ZNF667: variants seen among roughly 807,000 people sequenced by gnomAD.
ZNF667 encodes the protein myocardial ischemic preconditioning upregulated 1 ortholog.
In ZNF667, 13 loss-of-function variants were observed where a neutral mutation model predicts 31.8. The ratio of observed to expected loss-of-function variants is 0.41; its 90% CI spans 0.27 to 0.65. ZNF667 has a LOEUF of 0.65. Among genes scored for constraint, ZNF667 ranks in the 30% least tolerant of loss-of-function variants. The pLI is 0.32. For missense variants in ZNF667, 642 were observed against 725.6 expected (o/e 0.88, Z 1.32); for synonymous variants, 228 against 247.1 (o/e 0.92, Z 0.73).
At chr19:56,476,498 C>T (rs952931565) in intron 1 of ZNF667, among the ~76,000 whole-genome samples, 1 of 152,184 alleles carries the variant, frequency 6.6e-6, no homozygotes, top group Non-Finnish European at 1.5e-5. Context: ...TAACCAACAC[C>T]TAAACACGGT....
In ZNF667 at chr19:56,462,357, C is replaced by T. The variant is rs1266123084; in HGVS notation, c.14G>A (p.Arg5Gln). 19 of 1,614,202 alleles carry T rather than the reference C, an allele frequency of 1.2e-5. No homozygotes were observed. The highest frequency in any genetic ancestry group is 1.4e-5 in the Non-Finnish European group (17 of 1,180,042). ...ACTTACCTTGGATTTGGATTTCCCC[C>T]GTGCAGAAGGCATCCTTTCCTCCCC... MPSARGKSKSKAPIT... is the reference protein window; with the variant it reads MPSAQGKSKSKAPIT... Residue 5 changes from arginine (R) to glutamine (Q), a missense_variant, in exon 4 of 7, where the codon CGG becomes CAG. Transcript: ENST00000504904.
rs1212968912 is a variant in ZNF667, at chr19:56,442,229, T to G, written c.766A>C (p.Arg256=). 2 of 1,614,192 alleles carry G rather than the reference T, an allele frequency of 1.2e-6. No homozygotes were observed. The highest frequency in any genetic ancestry group is 1.1e-5 in the South Asian group (1 of 91,084). ...IHVVGNVCQC[R]KCGKAFNQMS... ...TGATTGAAGGCTTTTCCGCACTTTC[T>G]GCACTGGCAGACATTCCCAACAACA... Residue 256 remains arginine, a synonymous_variant, in exon 7 of 7, where the codon AGA becomes CGA. Coordinates refer to ENST00000504904, the MANE Select transcript of ZNF667 (RefSeq NM_001321356.2).
chr19:56,454,511 C>T (rs993304244), intron 6 of ZNF667, among the ~76,000 whole-genome samples: 1 of 151,522 alleles, frequency 6.6e-6, no homozygotes, highest in Non-Finnish European at 1.5e-5. Flanking sequence ...AATAGAGAAC[C>T]CAGAAATAAA....
chr19:56,471,295 T>C (rs1331783637), intron 3 of ZNF667, among the ~76,000 whole-genome samples: 1 of 152,154 alleles, frequency 6.6e-6, no homozygotes, highest in African/African-American at 2.4e-5. Flanking sequence ...GTGGGCCAAT[T>C]AAACTTTTCT....
At chr19:56,455,091 G>A (rs1323338222) in intron 6 of ZNF667, among the ~76,000 whole-genome samples, 1 of 152,114 alleles carries the variant, frequency 6.6e-6, no homozygotes, top group Non-Finnish European at 1.5e-5. Flanking sequence ...CAACATCACT[G>A]ATCATCAGAA....
chr19:56,471,157 A>AC (rs898612900), intron 3 of ZNF667, among the ~76,000 whole-genome samples: 24 of 148,914 alleles, frequency 1.6e-4, no homozygotes, highest in African/African-American at 5.5e-4. Context: ...GTGTAGCCCC[A>AC]CCCCCCCTGC....
intron 6 of ZNF667, among the ~76,000 whole-genome samples, chr19:56,451,543 A>G (rs1487397434): frequency 6.6e-6 from 1 of 152,190 alleles, no homozygotes; most frequent in Non-Finnish European, 1.5e-5. Context: ...GGTATAGACC[A>G]TGAAATATTA....
rs761759424 is a variant in ZNF667, at chr19:56,441,876, A to G, written c.1119T>C (p.Leu373=). ...CDKFFRRLST[L]ILHLRIHNGE... ...CATTATGAATTCTTAGATGCAGAAT[A>G]AGGGTTGAAAGCCGCCTGAAGAACT... Residue 373 remains leucine, a synonymous_variant, in exon 7 of 7, where the codon CTT becomes CTC. Coordinates refer to ENST00000504904, the MANE Select transcript of ZNF667 (RefSeq NM_001321356.2). The surrounding 1 kb of genome is among the most constrained non-coding windows in gnomAD (Gnocchi z 4.2). The G allele has an allele frequency of 2.3e-5, 37 of 1,614,056 alleles. No homozygotes were observed. The East Asian group carries it at 8.2e-4, about 36-fold the overall frequency.
rs748102851 is a variant in ZNF667, at chr19:56,458,236, G to A, written c.172C>T (p.Arg58Trp). 24 of 1,613,812 alleles carry A rather than the reference G, an allele frequency of 1.5e-5. No homozygotes were observed. Among genetic ancestry groups the A allele is most frequent in the East Asian group, 4.5e-5 (2 of 44,882 alleles). ...AATAAGGTGATCACATTTGGTCTCC[G>A]AAAGGAAAGACCTGTACGTGGGACA... ...RNLVSLGLSF[R>W]RPNVITLLEK... Residue 58 changes from arginine to tryptophan, a missense_variant, in exon 6 of 7, where the codon CGG becomes TGG. By Grantham distance (101) the Arg-to-Trp change is moderately radical. Transcript: ENST00000504904.
chr19:56,466,005 C>T (rs150295278), intron 3 of ZNF667, among the ~76,000 whole-genome samples: 3 of 152,320 alleles, frequency 2.0e-5, no homozygotes, highest in Non-Finnish European at 2.9e-5. Flanking sequence ...AGAATGCCGA[C>T]GTAACCAGCT....
At chr19:56,458,315 GCATCA>G in intron 5 of ZNF667, 68 bp from the exon 6 acceptor site, 5 of 1,373,284 alleles carry the variant, frequency 3.6e-6, no homozygotes, top group Non-Finnish European at 4.1e-6. Context: ...GCCACGCTCT[GCATCA>G]ACAGGAATGC....
intron 6 of ZNF667, among the ~76,000 whole-genome samples, chr19:56,447,480 G>C (rs2042730159): frequency 1.3e-5 from 2 of 152,120 alleles, no homozygotes; most frequent in Non-Finnish European, 2.9e-5. Flanking sequence ...TGGTACTTGG[G>C]AGGCTGAGGC....
chr19:56,441,046 A>G lies in ZNF667; in HGVS notation c.*116T>C. 3 of 1,467,670 alleles carry G rather than the reference A, an allele frequency of 2.0e-6. No homozygotes were observed. Among genetic ancestry groups the G allele is most frequent in the South Asian group, 3.0e-5 (2 of 66,264 alleles). 90.9% of individuals were successfully genotyped at this position (1,467,670 alleles called of 1,614,324 possible). ...CAATGACTTTTGCTCTTTGGCTTTCAAAGTGGGACATATCATCAAATGGTC... is the reference window on the plus strand; with the variant it reads ...CAATGACTTTTGCTCTTTGGCTTTCGAAGTGGGACATATCATCAAATGGTC... On this transcript the variant is annotated 3_prime_UTR_variant, in exon 7 of 7. Coordinates refer to ENST00000504904, the MANE Select transcript of ZNF667 (RefSeq NM_001321356.2). The surrounding 1 kb of genome is among the most constrained non-coding windows in gnomAD (Gnocchi z 4.2).
intron 6 of ZNF667, among the ~76,000 whole-genome samples, chr19:56,450,481 C>T (rs1384434261): frequency 6.6e-6 from 1 of 152,108 alleles, no homozygotes; most frequent in Non-Finnish European, 1.5e-5. Context: ...GGGAGTTCAT[C>T]AGTCTGAAAG....
chr19:56,466,074 G>A (rs1048907422), intron 3 of ZNF667, among the ~76,000 whole-genome samples: 4 of 152,168 alleles, frequency 2.6e-5, no homozygotes, highest in Admixed American at 6.5e-5. Context: ...ACAGCACCTC[G>A]CATGTGTTGT....
chr19:56,443,514 C>T lies in ZNF667; in HGVS notation c.254-773G>A, dbSNP rs572357871. Among the ~76,000 whole-genome samples the T allele has an allele frequency of 1.1e-4, 16 of 152,154 alleles. No individual in the cohort carries two copies. In the South Asian group the frequency reaches 2.1e-3, roughly 20 times the overall value. ...TCCTAGGCTACAAACCTGTACATGA[C>T]GTTACTGTATTGAATCCTGTAGGCA... On this transcript the variant is annotated intron_variant, in intron 6 of 6. Coordinates refer to ENST00000504904, the MANE Select transcript of ZNF667 (RefSeq NM_001321356.2).
rs1004626566 is a variant in ZNF667, at chr19:56,439,594, T to C, written c.*1568A>G. 1.3e-5 allele frequency: 2 copies of C among 152,274 alleles called. No homozygotes were observed. The highest frequency in any genetic ancestry group is 1.3e-4 in the Admixed American group (2 of 15,286). The allele number at this position is 152,274 out of a possible 1,614,324, so 9.4% of individuals were successfully genotyped here. A position where few individuals can be genotyped will look rare whatever the true frequency, so the allele number is the denominator to read the frequency against. On this transcript the variant is annotated 3_prime_UTR_variant, in exon 7 of 7. Coordinates refer to ENST00000504904, the MANE Select transcript of ZNF667 (RefSeq NM_001321356.2). ...ATGGTTAGGTTCTCGTAGGGTTCTC[T>C]TCCTGTTCTGTAGACAGCTGGCTTC...
intron 2 of ZNF667, chr19:56,473,156 G>C (rs2043329357): frequency 1.3e-5 from 2 of 152,204 alleles, no homozygotes; most frequent in African/African-American, 4.8e-5. Context: ...TTATAGAAAG[G>C]GGCAGTACAT....
At chr19:56,452,395 G>C (rs1289093066) in intron 6 of ZNF667, among the ~76,000 whole-genome samples, 1 of 152,058 alleles carries the variant, frequency 6.6e-6, no homozygotes, top group African/African-American at 2.4e-5. Flanking sequence ...CAAAACAAAT[G>C]ATAATGAAAA....
Sources: allele counts gnomAD v4.1 joint callset (sites outside exome capture counted in the v4.1 genomes callset), GRCh38; gene constraint gnomAD v4.1.1; non-coding constraint Gnocchi (gnomAD v3.1); transcripts MANE v1.5; gene names NCBI Gene and HGNC (gene_info 2026-07-23, HGNC 2026-07-21).